The following RAD51B variants were observed in gnomAD, a reference collection of about 807,000 sequenced individuals.
The protein encoded by RAD51B is RAD51 paralog B.
RAD51B carries 38 observed loss-of-function variants against 42.2 expected under a neutral mutation model. The observed-to-expected ratio is 0.90, with a 90% confidence interval of 0.70 to 1.18. The LOEUF is 1.18. RAD51B is among the 50% of genes most tolerant of loss of function. RAD51B has a pLI of 0.00. For missense variants in RAD51B, 373 were observed against 400.7 expected, an observed-to-expected ratio of 0.93 and a Z score of 0.59; for synonymous variants, 154 against 145.2, an observed-to-expected ratio of 1.06 and a Z score of -0.43.
At chr14:68,111,726 G>A (rs181907748) in intron 7 of RAD51B, among the ~76,000 whole-genome samples, 2 of 152,124 alleles carry the variant, frequency 1.3e-5, no homozygotes, top group Admixed American at 6.6e-5. Context: ...ACCATCTTGG[G>A]CAGGTTGCCA....
At chr14:68,426,939 C>T (rs184775862) in intron 9 of RAD51B, among the ~76,000 whole-genome samples, 44 of 152,268 alleles carry the variant, frequency 2.9e-4, no homozygotes, top group Non-Finnish European at 4.6e-4. Flanking sequence ...CCACTCAGGA[C>T]GCTACCTTCT....
chr14:68,522,655 G>C (rs1226631672), intron 10 of RAD51B, among the ~76,000 whole-genome samples: 1 of 152,128 alleles, frequency 6.6e-6, no homozygotes, highest in Non-Finnish European at 1.5e-5. Context: ...CCTTTTTCAT[G>C]CCTCAAACAA....
At chr14:68,493,116 CA>C (rs906470089) in intron 10 of RAD51B, among the ~76,000 whole-genome samples, 2 of 152,082 alleles carry the variant, frequency 1.3e-5, no homozygotes, top group Non-Finnish European at 2.9e-5. Flanking sequence ...TCCCTTTGTG[CA>C]TTTGGCTCAC....
intron 11 of RAD51B, chr14:68,683,025 C>T (rs550878404): frequency 1.1e-6 from 1 of 917,776 alleles, no homozygotes; most frequent in East Asian, 7.0e-5. Flanking sequence ...TCACAAAGGA[C>T]CCCAGTTGAG....
chr14:67,987,942 A>G (rs1417826087), intron 7 of RAD51B, among the ~76,000 whole-genome samples: 1 of 152,202 alleles, frequency 6.6e-6, no homozygotes, highest in Admixed American at 6.5e-5. Context: ...ATGCCGAGTG[A>G]TTTTATTCTT....
At chr14:68,573,800 AG>A (rs1237034937) in intron 10 of RAD51B, among the ~76,000 whole-genome samples, 1 of 152,186 alleles carries the variant, frequency 6.6e-6, no homozygotes, top group East Asian at 1.9e-4. Flanking sequence ...TGGGCCACCA[AG>A]GGGGCAGGCC....
At chr14:68,354,714 A>AT (rs899114290) in intron 8 of RAD51B, among the ~76,000 whole-genome samples, 4 of 151,592 alleles carry the variant, frequency 2.6e-5, no homozygotes, top group Non-Finnish European at 4.4e-5. Context: ...CAAAAGATTT[A>AT]TTTTTTAATT....
intron 7 of RAD51B, among the ~76,000 whole-genome samples, chr14:68,251,880 T>C (rs377029294): frequency 2.0e-5 from 3 of 152,382 alleles, no homozygotes; most frequent in East Asian, 3.9e-4. Context: ...CAGTGTCCGT[T>C]ATGACTGAAC....
intron 7 of RAD51B, among the ~76,000 whole-genome samples, chr14:68,254,709 T>C (rs936874838): frequency 6.6e-6 from 1 of 152,242 alleles, no homozygotes; most frequent in African/African-American, 2.4e-5. Flanking sequence ...CCTATATGTT[T>C]TATTTACTTA....
chr14:68,409,320 A>G (rs528189259), intron 8 of RAD51B, among the ~76,000 whole-genome samples: 1 of 152,332 alleles, frequency 6.6e-6, no homozygotes, highest in Admixed American at 6.5e-5. Flanking sequence ...AGGGTTGTGA[A>G]TTTCAAGAGA....
chr14:67,855,142 C>T (rs2041946674), intron 4 of RAD51B, among the ~76,000 whole-genome samples: 2 of 152,188 alleles, frequency 1.3e-5, no homozygotes, highest in South Asian at 4.1e-4. Context: ...TCATGATCCA[C>T]CTGCCTTGGC....
chr14:68,535,051 A>G (rs1410950970), intron 10 of RAD51B, among the ~76,000 whole-genome samples: 1 of 152,142 alleles, frequency 6.6e-6, no homozygotes, highest in East Asian at 1.9e-4. Flanking sequence ...CAAGTTGTAG[A>G]GCCAAAGTTC....
intron 7 of RAD51B, among the ~76,000 whole-genome samples, chr14:68,063,492 T>A (rs1232872066): frequency 6.6e-6 from 1 of 152,100 alleles, no homozygotes; most frequent in Non-Finnish European, 1.5e-5. Context: ...TCCCAGCACT[T>A]TGGGAGGCCG....
chr14:68,122,787 G>T (rs1010511948), intron 7 of RAD51B, among the ~76,000 whole-genome samples: 1 of 152,184 alleles, frequency 6.6e-6, no homozygotes, highest in Non-Finnish European at 1.5e-5. Flanking sequence ...CAACTTAATT[G>T]TCATCAATAG....
chr14:68,428,506 C>T (rs1438545172), intron 9 of RAD51B, among the ~76,000 whole-genome samples: 1 of 151,576 alleles, frequency 6.6e-6, no homozygotes, highest in African/African-American at 2.4e-5. Context: ...AACGGTGTAT[C>T]CATTGAAAGA....
intron 7 of RAD51B, among the ~76,000 whole-genome samples, chr14:68,138,438 G>T (rs1046014831): frequency 3.9e-5 from 6 of 152,066 alleles, no homozygotes; most frequent in African/African-American, 1.4e-4. Context: ...AATTACCAAA[G>T]AACTTTACTG....
chr14:67,972,767 G>T (rs941359111), intron 7 of RAD51B, among the ~76,000 whole-genome samples: 1 of 152,030 alleles, frequency 6.6e-6, no homozygotes, highest in East Asian at 1.9e-4. Flanking sequence ...TTGGTTTTAT[G>T]TGGAACTATT....
intron 10 of RAD51B, among the ~76,000 whole-genome samples, chr14:68,525,601 A>C (rs1396466538): frequency 3.3e-5 from 5 of 152,144 alleles, no homozygotes; most frequent in African/African-American, 9.7e-5. Flanking sequence ...GTTTCCCTGC[A>C]ATGGGGTCTC....
intron 10 of RAD51B, among the ~76,000 whole-genome samples, chr14:68,491,942 AGAAAGCCCCAC>A (rs1244388583): frequency 2.0e-5 from 3 of 152,232 alleles, no homozygotes; most frequent in Admixed American, 6.5e-5. Context: ...CCACAGGCCT[AGAAAGCCCCAC>A]CGATTCCAGC....
Sources: gnomAD v4.1 joint callset for allele counts (sites outside exome capture counted in the v4.1 genomes callset) on GRCh38, gnomAD v4.1.1 for gene constraint, MANE v1.5 for transcripts, NCBI Gene and HGNC (gene_info 2026-07-23, HGNC 2026-07-21) for gene names.